The following RNF24 variants were observed in gnomAD, a reference collection of about 807,000 sequenced individuals.
RNF24 encodes the protein ring finger protein 24.
A neutral mutation model predicts 20.0 loss-of-function variants in RNF24; 14 were observed. The ratio of observed to expected loss-of-function variants is 0.70; its 90% CI spans 0.46 to 1.10. The LOEUF is 1.10. Ranked by LOEUF, RNF24 falls within the 50% of genes least tolerant of loss-of-function variation. The probability of loss-of-function intolerance (pLI) is 0.00; values close to 1 mark genes in which losing one functional copy is unlikely to be tolerated. For missense variants in RNF24, 124 were observed against 177.6 expected (o/e 0.70, Z 1.71); for synonymous variants, 45 against 61.1 (o/e 0.74, Z 1.23).
chr20:3,998,404 G>T (rs372718008), intron 1 of RNF24, among the ~76,000 whole-genome samples: 15 of 151,550 alleles, frequency 9.9e-5, no homozygotes, highest in Non-Finnish European at 2.9e-5. Context: ...GTGAAACCCC[G>T]TCTCTACTAA....
intron 2 of RNF24, among the ~76,000 whole-genome samples, chr20:3,948,996 G>A (rs1320789056): frequency 1.3e-5 from 2 of 152,180 alleles, no homozygotes; most frequent in African/African-American, 2.4e-5. Flanking sequence ...TATTATTAAA[G>A]CTGATACACA....
chr20:3,970,770 G>A (rs1256688751), intron 1 of RNF24, among the ~76,000 whole-genome samples: 2 of 152,166 alleles, frequency 1.3e-5, no homozygotes, highest in Non-Finnish European at 2.9e-5. Context: ...CTAGGGCCAG[G>A]CACGGTGACT....
intron 1 of RNF24, among the ~76,000 whole-genome samples, chr20:3,991,495 G>T (rs919818385): frequency 1.3e-5 from 2 of 151,972 alleles, no homozygotes; most frequent in African/African-American, 4.8e-5. Context: ...CTCATGATCC[G>T]CCTGCCTAAG....
At chr20:4,014,952 G>T (rs1982774955) in intron 1 of RNF24, among the ~76,000 whole-genome samples, 1 of 152,208 alleles carries the variant, frequency 6.6e-6, no homozygotes, top group African/African-American at 2.4e-5. Flanking sequence ...GCGCCACAAA[G>T]AAAGGGGAGG....
chr20:3,961,089 G>A (rs187687492), intron 2 of RNF24, among the ~76,000 whole-genome samples: 44 of 152,204 alleles, frequency 2.9e-4, no homozygotes, highest in African/African-American at 9.9e-4. Flanking sequence ...CACTGCACCC[G>A]GCCTGTTAGG....
At chr20:3,942,688 T>G (rs2090971239) in intron 4 of RNF24, among the ~76,000 whole-genome samples, 1 of 152,140 alleles carries the variant, frequency 6.6e-6, no homozygotes, top group South Asian at 2.1e-4. Context: ...TTAGCCAGGA[T>G]GGTCTCGATC....
chr20:4,003,632 C>CTTT (rs1568667865), intron 1 of RNF24, among the ~76,000 whole-genome samples: 1 of 78,056 alleles, frequency 1.3e-5, no homozygotes, highest in Admixed American at 1.9e-4. Flanking sequence ...GTTAGAAACT[C>CTTT]CTTTTTTTTT....
intron 1 of RNF24, among the ~76,000 whole-genome samples, chr20:3,966,736 A>G (rs1196093111): frequency 6.6e-6 from 1 of 152,142 alleles, no homozygotes; most frequent in African/African-American, 2.4e-5. Flanking sequence ...GCTAGCTAGG[A>G]GTGAGGCCAG....
rs1460435716 is a variant in RNF24 at position 3,930,416 on chromosome 20, TATC to T, written c.*3644_*3646del. 2.0e-5 allele frequency: 3 copies of T among 152,144 alleles called. No individual in the cohort carries two copies. Among genetic ancestry groups the T allele is most frequent in the African/African-American group, 7.2e-5 (3 of 41,406 alleles). 9.4% of individuals were successfully genotyped at this position (152,144 alleles called of 1,614,324 possible). Reference sequence around the variant, plus strand: ...ATGTAACCCAGATGATGTTATGTGGTATCAGCAGCCCCCATGACACCAGGCCTG... The same window carrying T: ...ATGTAACCCAGATGATGTTATGTGGTAGCAGCCCCCATGACACCAGGCCTG... On this transcript the variant is annotated 3_prime_UTR_variant, in exon 6 of 6. Transcript: ENST00000358395.
intron 1 of RNF24, among the ~76,000 whole-genome samples, chr20:3,980,727 C>G (rs1979307666): frequency 6.6e-6 from 1 of 152,142 alleles, no homozygotes; most frequent in African/African-American, 2.4e-5. Context: ...TTCATAAACT[C>G]AAGGCCTCTG....
At chr20:3,962,684 C>T (rs1460920547) in intron 2 of RNF24, among the ~76,000 whole-genome samples, 16 of 151,366 alleles carry the variant, frequency 1.1e-4, no homozygotes. Flanking sequence ...ATTTATATCC[C>T]ATTGTCCTAG....
intron 3 of RNF24, 52 bp downstream of exon 3, chr20:3,948,185 G>T: frequency 7.2e-7 from 1 of 1,384,814 alleles, no homozygotes; most frequent in Non-Finnish European, 1.0e-6. Flanking sequence ...AGAGTTCTCA[G>T]TTTTTTGGGG....
chr20:3,934,238 C>T lies in RNF24; in HGVS notation c.309-37G>A. 3 of 1,589,088 alleles carry T rather than the reference C, an allele frequency of 1.9e-6. No homozygotes were observed. The highest frequency in any genetic ancestry group is 1.7e-4 in the Middle Eastern group (1 of 5,952). On this transcript the variant is annotated intron_variant, in intron 5 of 5. Transcript: ENST00000358395. This position sits in a 1 kb window ranked among gnomAD's most constrained non-coding sequence, Gnocchi z 4.0. The stretch of plus-strand genomic sequence containing the variant: ...GACACCACAGGGGGAAGATGTCAGT[C>T]CTATGCTCATGGCACGGCTGTTCTG...
At chr20:3,967,992 A>G (rs866255817) in intron 1 of RNF24, among the ~76,000 whole-genome samples, 84 of 145,408 alleles carry the variant, frequency 5.8e-4, no homozygotes, top group South Asian at 8.5e-4. Flanking sequence ...AAAAAAAAAA[A>G]AAAGAAAGAA....
chr20:3,959,863 T>C (rs2091182725), intron 2 of RNF24, among the ~76,000 whole-genome samples: 1 of 152,238 alleles, frequency 6.6e-6, no homozygotes, highest in Admixed American at 6.5e-5. Flanking sequence ...GAGTGCTTAA[T>C]ATCGTGCCAG....
intron 1 of RNF24, among the ~76,000 whole-genome samples, chr20:3,984,041 T>A (rs1291775418): frequency 6.6e-6 from 1 of 150,754 alleles, no homozygotes; most frequent in African/African-American, 2.4e-5. Flanking sequence ...GGAGGACAAC[T>A]TGAGCCTGGG....
At chr20:3,990,466 C>G (rs1043506727) in intron 1 of RNF24, among the ~76,000 whole-genome samples, 1 of 152,182 alleles carries the variant, frequency 6.6e-6, no homozygotes. Flanking sequence ...GCTCTTCACA[C>G]AAACTTGTTT....
Position 3,932,704 on chromosome 20 carries a change from C to T in RNF24, c.*1359G>A, listed in dbSNP as rs538220033. On this transcript the variant is annotated 3_prime_UTR_variant, in exon 6 of 6. Coordinates refer to ENST00000358395, the MANE Select transcript of RNF24 (RefSeq NM_001134337.3). ...GGATGGAGTGGAGCAAAGCAGTTGA[C>T]GAGGAATTGAGGCAGGCGCTCCTAA... The T allele has an allele frequency of 2.1e-5, 8 of 388,928 alleles. No individual in the cohort carries two copies. Among genetic ancestry groups the T allele is most frequent in the African/African-American group, 1.2e-4 (6 of 48,554 alleles). 24.1% of individuals were successfully genotyped at this position (388,928 alleles called of 1,614,324 possible).
intron 4 of RNF24, among the ~76,000 whole-genome samples, chr20:3,936,482 A>T (rs1032146356): frequency 1.3e-5 from 2 of 152,246 alleles, no homozygotes; most frequent in Non-Finnish European, 2.9e-5. Flanking sequence ...ATTGATGTCT[A>T]CATTTTATAA....
Sources: gnomAD v4.1 joint callset for allele counts (sites outside exome capture counted in the v4.1 genomes callset) on GRCh38, gnomAD v4.1.1 for gene constraint, Gnocchi (gnomAD v3.1) non-coding constraint, MANE v1.5 for transcripts, NCBI Gene and HGNC (gene_info 2026-07-23, HGNC 2026-07-21) for gene names.